The following MAPK8IP2 variants were observed in gnomAD, a reference collection of about 807,000 sequenced individuals.
The protein encoded by MAPK8IP2 is C-Jun-amino-terminal kinase-interacting protein 2.
In MAPK8IP2, 15 loss-of-function variants were observed where a neutral mutation model predicts 75.6. The observed-to-expected ratio is 0.20, with a 90% CI of 0.13 to 0.31. The LOEUF (loss-of-function observed/expected upper bound fraction) is 0.31, where lower values mean the gene tolerates loss of function less well. Ranked by LOEUF, MAPK8IP2 falls within the 10% of genes least tolerant of loss-of-function variation. The pLI, the probability that MAPK8IP2 is intolerant of heterozygous loss-of-function variation, is 1.00. For synonymous variants in MAPK8IP2, 632 were observed against 554.5 expected (o/e 1.14, Z -1.96); for missense variants, 1,089 against 1,211.2 (o/e 0.90, Z 1.50).
Position 50,603,380 on chromosome 22 carries a change from A to C in MAPK8IP2, c.329A>C (p.Glu110Ala). 6.4e-7 allele frequency: 1 copy of C among 1,556,468 alleles called. No homozygotes were observed. The highest frequency in any genetic ancestry group is 8.7e-7 in the Non-Finnish European group (1 of 1,152,488). ...GAGGAGGGAGATGGGGAAGGCCAGG[A>C]GGGAGGAGACCCTGGCTCAGAGGCA... Reference protein sequence around the residue: ...EEEEGDGEGQEGGDPGSEAPA... With the variant: ...EEEEGDGEGQAGGDPGSEAPA... The change falls in exon 3 of 12, where the codon GAG becomes GCG. Residue 110 changes from glutamate to alanine, a missense_variant. Physicochemically the swap from Glu to Ala is moderately radical, Grantham distance 107. Around this residue, in one of 2 missense-constraint regions of MAPK8IP2, gnomAD observed 960 missense variants for 1,009.6 expected, o/e 0.95. Transcript: ENST00000329492.
At chr22:50,603,159 C>T (rs2070964985) in intron 2 of MAPK8IP2, 64 bp from the exon 3 acceptor site, 4 of 1,610,012 alleles carry the variant, frequency 2.5e-6, no homozygotes, top group Non-Finnish European at 3.4e-6. Context: ...CTTCTCCTAG[C>T]ACCTGGGCCC....
At chr22:50,603,000 CCT>C in intron 2 of MAPK8IP2, 1 of 871,428 alleles carries the variant, frequency 1.1e-6, no homozygotes, top group Non-Finnish European at 1.7e-6. Context: ...TCTGAGAATC[CCT>C]GTCATTCAGC....
chr22:50,603,348 G>T lies in MAPK8IP2; in HGVS notation c.297G>T (p.Glu99Asp). ...ACGATGAGGACGAGGAAGAGGAGGA[G>T]GAGGAGGAGGAGGGAGATGGGGAAG... Reference protein sequence around the residue: ...EEDDEDEEEEEEEEEGDGEGQ... With the variant: ...EEDDEDEEEEDEEEEGDGEGQ... Residue 99 changes from glutamate to aspartate, a missense_variant, in exon 3 of 12, where the codon GAG becomes GAT. Physicochemically the swap from Glu to Asp is conservative, Grantham distance 45. Around this residue, in one of 2 missense-constraint regions of MAPK8IP2, gnomAD observed 960 missense variants for 1,009.6 expected, o/e 0.95. Transcript: ENST00000329492. 6.4e-7 allele frequency: 1 copy of T among 1,554,718 alleles called. No individual in the cohort carries two copies. Among genetic ancestry groups the T allele is most frequent in the East Asian group, 2.4e-5 (1 of 41,738 alleles).
rs1603444504 is a variant in MAPK8IP2 at position 50,611,348 on chromosome 22, G to A, written c.*569G>A. 6.5e-6 allele frequency: 1 copy of A among 152,838 alleles called. No individual in the cohort carries two copies. The highest frequency in any genetic ancestry group is 1.5e-5 in the Non-Finnish European group (1 of 68,262). The allele number at this position is 152,838 out of a possible 1,614,324, so 9.5% of individuals were successfully genotyped here. ...AGGGAGGGGTTCCCAAAAGAGCCCT[G>A]CGGAGGCTAGGAGTGGTTCTTGATG... On this transcript the variant is annotated 3_prime_UTR_variant, in exon 12 of 12. Coordinates refer to ENST00000329492, the MANE Select transcript of MAPK8IP2 (RefSeq NM_012324.6). The surrounding 1 kb of genome is among the most constrained non-coding windows in gnomAD (Gnocchi z 5.5).
In MAPK8IP2 at chr22:50,604,301, G is replaced by C; in HGVS notation, c.1002G>C (p.Gly334=). 6.4e-7 allele frequency: 1 copy of C among 1,551,320 alleles called. No homozygotes were observed. The highest frequency in any genetic ancestry group is 1.2e-5 in the South Asian group (1 of 85,246). The part of the protein sequence containing the change: ...PDDTNSEYES[G]SESEPDLSED... ...ACACCAACAGCGAGTACGAGTCGGG[G>C]TCGGAGTCGGAGCCGGACCTCAGCG... is the stretch of plus-strand genomic sequence containing the variant. The change falls in exon 5 of 12, where the codon GGG becomes GGC. Residue 334 remains glycine, a synonymous_variant. Coordinates refer to ENST00000329492, the MANE Select transcript of MAPK8IP2 (RefSeq NM_012324.6).
Position 50,610,657 on chromosome 22 carries a change from G to A in MAPK8IP2, c.2403-50G>A. The stretch of plus-strand genomic sequence containing the variant: ...CAGAGGCTCTGTGGAAGGCAGTTTG[G>A]GGGTTGAGGACCGGCCCTGAGTGGC... On this transcript the variant is annotated intron_variant, in intron 11 of 11. Transcript: ENST00000329492. The surrounding 1 kb of genome is among the most constrained non-coding windows in gnomAD (Gnocchi z 4.3). 6.7e-7 allele frequency: 1 copy of A among 1,483,274 alleles called. No homozygotes were observed. The allele number at this position is 1,483,274 out of a possible 1,614,324, so 91.9% of individuals were successfully genotyped here.
At position 50,604,099 on chromosome 22, in the gene MAPK8IP2, T is replaced by G; in HGVS notation, c.800T>G (p.Met267Arg). Residue 267 changes from methionine to arginine, a missense_variant, in exon 5 of 12, where the codon ATG (methionine) becomes AGG (arginine). Met to Arg is a moderately conservative substitution (Grantham distance 91). Transcript: ENST00000329492. ...GCGGGCGGCGCGCGCCTGGGGCGCA[T>G]GATCTCGTCCATCTCGGAGACGGAG... ...EDAGGARLGR[M>R]ISSISETELE... The G allele has an allele frequency of 6.4e-7, 1 of 1,550,662 alleles. No homozygotes were observed. Among genetic ancestry groups the G allele is most frequent in the Admixed American group, 1.9e-5 (1 of 52,824 alleles).
intron 10 of MAPK8IP2, chr22:50,609,626 G>A: frequency 2.5e-6 from 1 of 402,308 alleles, no homozygotes; most frequent in Non-Finnish European, 5.1e-6. Flanking sequence ...GCGTCCTGCT[G>A]CAGAACTCTG....
chr22:50,605,786 C>A, intron 7 of MAPK8IP2, 39 bp from the exon 8 acceptor site: 1 of 1,596,176 alleles, frequency 6.3e-7, no homozygotes, highest in South Asian at 1.1e-5. Flanking sequence ...CTCCCCTGTG[C>A]CCCTGCCTGA....
At chr22:50,603,131 T>C (rs368135700) in intron 2 of MAPK8IP2, 92 bp from the exon 3 acceptor site, 1 of 1,603,608 alleles carries the variant, frequency 6.2e-7, no homozygotes. Flanking sequence ...CTCCTTTGAC[T>C]GATGCTCCCC....
chr22:50,603,584 G>A, intron 3 of MAPK8IP2, 42 bp from the exon 4 acceptor site: 1 of 1,582,684 alleles, frequency 6.3e-7, no homozygotes, highest in Non-Finnish European at 8.6e-7. Context: ...CCCCCTGGGA[G>A]CTGGCCCTCC....
intron 1 of MAPK8IP2, chr22:50,601,502 G>A (rs2070937123): frequency 2.5e-6 from 1 of 394,734 alleles, no homozygotes; most frequent in South Asian, 2.9e-5. Flanking sequence ...CCAGGGGCCT[G>A]GAGCTGCGAG....
At chr22:50,605,537 C>G in intron 6 of MAPK8IP2, 25 bp from the exon 7 acceptor site, 1 of 1,180,446 alleles carries the variant, frequency 8.5e-7, no homozygotes, top group Non-Finnish European at 1.2e-6. Flanking sequence ...GCCCCCCTCC[C>G]CAGTGACCTC....
rs761412141 is a variant in MAPK8IP2, at chr22:50,604,073, C to T, written c.774C>T (p.Asp258=). The change falls in exon 5 of 12, where the codon GAC becomes GAT. Residue 258 remains aspartate, a synonymous_variant. Transcript: ENST00000329492. Reference sequence around the variant, plus strand: ...CCTCGCCCGGCTCCGACTCGGAGGACGCGGGCGGCGCGCGCCTGGGGCGCA... The same window carrying T: ...CCTCGCCCGGCTCCGACTCGGAGGATGCGGGCGGCGCGCGCCTGGGGCGCA... ...ELSSPGSDSE[D]AGGARLGRMI... The T allele has an allele frequency of 5.8e-6, 9 of 1,541,972 alleles. No individual in the cohort carries two copies. The highest frequency in any genetic ancestry group is 2.5e-5 in the East Asian group (1 of 40,718).
In MAPK8IP2 at chr22:50,613,474, C is replaced by G. The variant is rs1331936903; in HGVS notation, c.*2695C>G. ...TCCCCCTCTTCTGCCTGGATCAAAC[C>G]ACCCTGACTTTCCTGGGTCTTCGTG... On this transcript the variant is annotated 3_prime_UTR_variant, in exon 12 of 12. Transcript: ENST00000329492. The G allele has an allele frequency of 6.6e-6, 1 of 152,532 alleles. No homozygotes were observed. Among genetic ancestry groups the G allele is most frequent in the Non-Finnish European group, 1.5e-5 (1 of 68,268 alleles). The allele number at this position is 152,532 out of a possible 1,614,324, so 9.4% of individuals were successfully genotyped here.
chr22:50,602,717 T>C (rs2070958458), intron 2 of MAPK8IP2, among the ~76,000 whole-genome samples: 1 of 152,176 alleles, frequency 6.6e-6, no homozygotes, highest in South Asian at 2.1e-4. Flanking sequence ...GGCGCAAAGT[T>C]GGTGAATCCT....
Position 50,610,157 on chromosome 22 carries a change from G to C in MAPK8IP2, c.2304-55G>C. On this transcript the variant is annotated intron_variant, in intron 10 of 11. Coordinates refer to ENST00000329492, the MANE Select transcript of MAPK8IP2 (RefSeq NM_012324.6). The surrounding 1 kb of genome is among the most constrained non-coding windows in gnomAD (Gnocchi z 4.3). Reference sequence around the variant, plus strand: ...CTCTTCTCTCTACATCATTTGTGGGGTGGCCAAGGCTGGGCCAGGGCTCTG... The same window carrying C: ...CTCTTCTCTCTACATCATTTGTGGGCTGGCCAAGGCTGGGCCAGGGCTCTG... 1 of 1,337,502 alleles carries C rather than the reference G, an allele frequency of 7.5e-7. No homozygotes were observed. Among genetic ancestry groups the C allele is most frequent in the Non-Finnish European group, 1.1e-6 (1 of 949,186 alleles). The allele number at this position is 1,337,502 out of a possible 1,614,324, so 82.9% of individuals were successfully genotyped here. A position where few individuals can be genotyped will look rare whatever the true frequency, so the allele number is the denominator to read the frequency against.
At position 50,603,433 on chromosome 22, in the gene MAPK8IP2, C is replaced by T. The variant is rs17854484; in HGVS notation, c.382C>T (p.Pro128Ser). 2.5e-5 allele frequency: 39 copies of T among 1,569,188 alleles called. No homozygotes were observed. The highest frequency in any genetic ancestry group is 1.3e-4 in the Admixed American group (7 of 55,852). Residue 128 changes from proline (P) to serine (S), a missense_variant, in exon 3 of 12, where the codon CCT becomes TCT. Around this residue, in one of 2 missense-constraint regions of MAPK8IP2, gnomAD observed 960 missense variants for 1,009.6 expected, o/e 0.95. Coordinates refer to ENST00000329492, the MANE Select transcript of MAPK8IP2 (RefSeq NM_012324.6). ...APAPGPLIPS[P>S]SVEEPHKHRP... ...TGCCCCCGGGCCCCTTATCCCCTCC[C>T]CTTCCGTGGAGGAGCCCCACAAGCA...
Position 50,605,734 on chromosome 22 carries a change from G to A in MAPK8IP2, c.2014G>A (p.Gly672Arg). ...AVPGPAKDLL[G>R]SKRSPCWVER... ...GCCCGGCCCTGCCAAGGACCTGCTG[G>A]GTGAGGTCCCAACCCCGAGGGGAGG... Residue 672 changes from glycine to arginine, a missense_variant and splice_region_variant, in exon 7 of 12, where the codon GGG (glycine) becomes AGG (arginine). Transcript: ENST00000329492. The A allele has an allele frequency of 6.2e-7, 1 of 1,607,474 alleles. No homozygotes were observed. The highest frequency in any genetic ancestry group is 8.5e-7 in the Non-Finnish European group (1 of 1,177,062).
Sources: allele counts gnomAD v4.1 joint callset (sites outside exome capture counted in the v4.1 genomes callset), GRCh38; gene constraint gnomAD v4.1.1; regional missense constraint gnomAD v4.1.1; non-coding constraint Gnocchi (gnomAD v3.1); transcripts MANE v1.5; gene names NCBI Gene and HGNC (gene_info 2026-07-23, HGNC 2026-07-21).